The following MAMDC2 variants were observed in gnomAD, a reference collection of about 807,000 sequenced individuals.
MAMDC2 encodes MAM domain-containing protein 2.
In MAMDC2, 57 loss-of-function variants were observed where a neutral mutation model predicts 89.8. The observed-to-expected ratio is 0.63, with a 90% CI of 0.51 to 0.79. The LOEUF (loss-of-function observed/expected upper bound fraction) is 0.79, where lower values mean the gene tolerates loss of function less well. Ranked by LOEUF, MAMDC2 falls within the 30% of genes least tolerant of loss-of-function variation. The probability of loss-of-function intolerance (pLI) is 0.00; values close to 1 mark genes in which losing one functional copy is unlikely to be tolerated. For synonymous variants in MAMDC2, 313 were observed against 293.4 expected (o/e 1.07, Z -0.68); for missense variants, 800 against 820.6 (o/e 0.97, Z 0.31).
intron 11 of MAMDC2, among the ~76,000 whole-genome samples, chr9:70,189,401 T>C (rs928471398): frequency 7.2e-5 from 11 of 152,172 alleles, no homozygotes; most frequent in Admixed American, 2.0e-4. Context: ...TAGCTGTTAA[T>C]CTTATTGAGG....
chr9:70,064,181 T>G (rs1036226267), intron 2 of MAMDC2, among the ~76,000 whole-genome samples: 6 of 152,106 alleles, frequency 3.9e-5, no homozygotes, highest in Non-Finnish European at 7.3e-5. Context: ...AAAATTTTTT[T>G]TCCATAGGTT....
At chr9:70,130,076 T>G (rs1284334333) in intron 6 of MAMDC2, among the ~76,000 whole-genome samples, 1 of 151,672 alleles carries the variant, frequency 6.6e-6, no homozygotes, top group Admixed American at 6.6e-5. Context: ...TTCTCCTTTT[T>G]ATAAGGACAC....
chr9:70,087,437 G>A (rs547140037), intron 2 of MAMDC2: 2 of 152,258 alleles, frequency 1.3e-5, no homozygotes, highest in South Asian at 2.1e-4. Flanking sequence ...GACTCCAGCA[G>A]ATGGAAGCAT....
In MAMDC2 at chr9:70,218,395, G is replaced by GA; in HGVS notation, c.1710_1711insA (p.Ser571IlefsTer38). 6.2e-7 allele frequency: 1 copy of GA among 1,614,192 alleles called. No homozygotes were observed. The highest frequency in any genetic ancestry group is 8.5e-7 in the Non-Finnish European group (1 of 1,180,020). On this transcript the variant is annotated frameshift_variant, in exon 12 of 14. Coordinates refer to ENST00000377182, the MANE Select transcript of MAMDC2 (RefSeq NM_153267.5). LOFTEE classifies it high-confidence loss of function. ...TGTATGGACAAAAAGCACGCCTCTT[G>GA]TCCAGGCCTCTGCGAGGAGTCTCTG...
intron 2 of MAMDC2, among the ~76,000 whole-genome samples, chr9:70,046,644 G>C (rs1826761241): frequency 6.6e-6 from 1 of 152,236 alleles, no homozygotes; most frequent in Admixed American, 6.5e-5. Flanking sequence ...CAGGACAGCA[G>C]TTAAACCATC....
chr9:70,129,607 A>G (rs1159442762), intron 6 of MAMDC2, among the ~76,000 whole-genome samples: 1 of 152,210 alleles, frequency 6.6e-6, no homozygotes, highest in Non-Finnish European at 1.5e-5. Context: ...AATCTAGTCC[A>G]CAGTGGTGAT....
rs773260125 is a variant in MAMDC2, at chr9:70,152,704, T to C, written c.1404+8885T>C. The stretch of plus-strand genomic sequence containing the variant: ...ACCTTCTGGTGTTCTAGTTTAGAAA[T>C]AACTTTGGCTCCTAGGAGGGGTCAA... On this transcript the variant is annotated intron_variant, in intron 9 of 13. Coordinates refer to ENST00000377182, the MANE Select transcript of MAMDC2 (RefSeq NM_153267.5). Among the ~76,000 whole-genome samples, 47 of 152,332 alleles carry C rather than the reference T, an allele frequency of 3.1e-4. No homozygotes were observed. In the Middle Eastern group the frequency reaches 0.01, roughly 33 times the overall value.
intron 2 of MAMDC2, among the ~76,000 whole-genome samples, chr9:70,064,571 GTGTGTGAGTC>G (rs957524871): frequency 2.0e-5 from 3 of 152,174 alleles, no homozygotes; most frequent in African/African-American, 7.2e-5. Context: ...GAAGGGGTGT[GTGTGTGAGTC>G]TGTGTGAGTG....
chr9:70,108,780 A>G (rs1828416601), intron 3 of MAMDC2, among the ~76,000 whole-genome samples: 1 of 152,222 alleles, frequency 6.6e-6, no homozygotes, highest in African/African-American at 2.4e-5. Context: ...TTTAGGGAGT[A>G]TTCTCATTTC....
At chr9:70,214,582 T>G (rs1340181608) in intron 11 of MAMDC2, among the ~76,000 whole-genome samples, 2 of 152,230 alleles carry the variant, frequency 1.3e-5, no homozygotes, top group Non-Finnish European at 2.9e-5. Context: ...GATTTTGCTT[T>G]TGCTTTAGAA....
chr9:70,104,273 TA>T (rs1226167533), intron 2 of MAMDC2, among the ~76,000 whole-genome samples: 2 of 151,850 alleles, frequency 1.3e-5, no homozygotes, highest in African/African-American at 2.4e-5. Flanking sequence ...TCACTAAAAT[TA>T]AAAAAAAGAT....
chr9:70,173,340 T>C (rs2032408119), intron 11 of MAMDC2, among the ~76,000 whole-genome samples: 1 of 152,184 alleles, frequency 6.6e-6, no homozygotes, highest in African/African-American at 2.4e-5. Flanking sequence ...TTCTGTCTTA[T>C]ACACAATAGT....
intron 11 of MAMDC2, among the ~76,000 whole-genome samples, chr9:70,179,125 G>A (rs942891101): frequency 5.9e-5 from 9 of 151,854 alleles, no homozygotes; most frequent in East Asian, 3.9e-4. Flanking sequence ...TGTAAAAAAC[G>A]TATTTACTTA....
chr9:70,221,268 T>C (rs1017714971), intron 12 of MAMDC2, among the ~76,000 whole-genome samples: 3 of 147,118 alleles, frequency 2.0e-5, no homozygotes, highest in African/African-American at 5.0e-5. Flanking sequence ...GGTGGGAGGA[T>C]TGCCTGAGGC....
intron 7 of MAMDC2, among the ~76,000 whole-genome samples, chr9:70,139,619 C>G: frequency 6.6e-6 from 1 of 152,064 alleles, no homozygotes; most frequent in East Asian, 1.9e-4. Context: ...GATTTATAGT[C>G]CTTTGGGTAT....
intron 12 of MAMDC2, among the ~76,000 whole-genome samples, chr9:70,220,659 A>G (rs1927099): frequency 0.52 from 79,379 of 152,124 alleles, 24,454 homozygotes; most frequent in Non-Finnish European, 0.67. Flanking sequence ...TGTCTGGCTG[A>G]TAAGTGGCTG....
intron 11 of MAMDC2, among the ~76,000 whole-genome samples, chr9:70,174,047 T>A (rs1389412783): frequency 6.6e-6 from 1 of 152,242 alleles, no homozygotes; most frequent in African/African-American, 2.4e-5. Flanking sequence ...TTAACCTCTC[T>A]AAGCCTATTT....
intron 9 of MAMDC2, among the ~76,000 whole-genome samples, chr9:70,167,669 C>A (rs115445928): frequency 6.6e-6 from 1 of 152,220 alleles, no homozygotes; most frequent in East Asian, 1.9e-4. Flanking sequence ...GGTCTCTTAG[C>A]TCATCCTATA....
At chr9:70,151,073 C>G (rs1168727335) in intron 9 of MAMDC2, among the ~76,000 whole-genome samples, 1 of 152,208 alleles carries the variant, frequency 6.6e-6, no homozygotes, top group African/African-American at 2.4e-5. Flanking sequence ...CGTGGGCCTT[C>G]TCTCTGTTCC....
Sources: allele counts gnomAD v4.1 joint callset (sites outside exome capture counted in the v4.1 genomes callset), GRCh38; gene constraint gnomAD v4.1.1; transcripts MANE v1.5; gene names NCBI Gene and HGNC (gene_info 2026-07-23, HGNC 2026-07-21).